The following SNX15 variants were observed in gnomAD, a reference collection of about 807,000 sequenced individuals.
SNX15 encodes sorting nexin 15, also known as sorting nexin-15.
SNX15 carries 29 observed loss-of-function variants against 35.2 expected under a neutral mutation model. The observed-to-expected ratio is 0.82, with a 90% CI of 0.61 to 1.12. The LOEUF is 1.12. Ranked by LOEUF, SNX15 falls within the 50% of genes most tolerant of loss-of-function variation. The pLI is 0.00. For synonymous variants in SNX15, 189 were observed against 188.2 expected (o/e 1.00, Z -0.03); for missense variants, 400 against 451.5 (o/e 0.89, Z 1.03).
intron 3 of SNX15, among the ~76,000 whole-genome samples, chr11:65,034,408 C>T (rs1946475646): frequency 6.6e-6 from 1 of 152,142 alleles, no homozygotes; most frequent in Admixed American, 6.5e-5. Flanking sequence ...GTAACACAGC[C>T]AGTCCTTTTC....
In SNX15 at chr11:65,035,188, G is replaced by A. The variant is rs776582441; in HGVS notation, c.502G>A (p.Glu168Lys). The change falls in exon 5 of 8, where the codon GAG becomes AAG. Residue 168 changes from glutamate (E) to lysine (K), a missense_variant. Coordinates refer to ENST00000377244, the MANE Select transcript of SNX15 (RefSeq NM_013306.5). ...QLLPAERRGL[E>K]ELEVPVDPPP... The stretch of plus-strand genomic sequence containing the variant: ...GCTCCCTGCAGAAAGGAGGGGCCTC[G>A]AGGAATTGGAGGTGCCAGGTACATC... 2.5e-5 allele frequency: 39 copies of A among 1,589,606 alleles called. No homozygotes were observed. The highest frequency in any genetic ancestry group is 4.1e-5 in the African/African-American group (3 of 73,942).
chr11:65,032,847 C>T (rs1243806567), intron 3 of SNX15, among the ~76,000 whole-genome samples: 1 of 151,856 alleles, frequency 6.6e-6, no homozygotes, highest in Non-Finnish European at 1.5e-5. Flanking sequence ...GAAAAAAAAT[C>T]CTGTCTTTAT....
chr11:65,038,420 G>A (rs1590743112), intron 6 of SNX15, 152 bp from the exon 7 acceptor site: 1 of 1,194,412 alleles, frequency 8.4e-7, no homozygotes, highest in East Asian at 2.9e-5. Flanking sequence ...GCTAGTTTTT[G>A]ATCCACAGAC....
At position 65,039,796 on chromosome 11, in the gene SNX15, G is replaced by A. The variant is rs1272541575; in HGVS notation, c.*4G>A. On this transcript the variant is annotated 3_prime_UTR_variant, in exon 8 of 8. Transcript: ENST00000377244. Reference sequence around the variant, plus strand: ...CCTGTCTCAACTCCCACCCTAACAGGGAGTGGGCCATTCCCTGGGACTCTC... The same window carrying A: ...CCTGTCTCAACTCCCACCCTAACAGAGAGTGGGCCATTCCCTGGGACTCTC... 2 of 1,598,906 alleles carry A rather than the reference G, an allele frequency of 1.3e-6. No individual in the cohort carries two copies. Among genetic ancestry groups the A allele is most frequent in the African/African-American group, 1.3e-5 (1 of 74,680 alleles).
chr11:65,030,591 T>G (rs112607935), intron 1 of SNX15, among the ~76,000 whole-genome samples: 2 of 148,684 alleles, frequency 1.3e-5, no homozygotes, highest in African/African-American at 5.0e-5. Flanking sequence ...CTCTGCCTCC[T>G]GGGTTCAAGT....
chr11:65,028,832 G>A (rs1053829227), intron 1 of SNX15, among the ~76,000 whole-genome samples: 3 of 151,504 alleles, frequency 2.0e-5, no homozygotes, highest in Non-Finnish European at 4.4e-5. Context: ...GGTGGCTCAC[G>A]CCTGTAATCC....
At chr11:65,038,221 G>A (rs764267209) in intron 6 of SNX15, 22 of 1,014,362 alleles carry the variant, frequency 2.2e-5, no homozygotes, top group Non-Finnish European at 2.4e-5. Context: ...GCCTGGTGGT[G>A]GTGGCCTAGC....
intron 5 of SNX15, 47 bp downstream of exon 5, chr11:65,035,253 G>T (rs767212229): frequency 4.0e-6 from 6 of 1,491,258 alleles, no homozygotes; most frequent in African/African-American, 1.4e-5. Context: ...GGTGCAGAGT[G>T]GGGAGGGCGG....
chr11:65,034,767 G>A (rs1432006656), intron 3 of SNX15, 80 bp from the exon 4 acceptor site: 2 of 1,043,954 alleles, frequency 1.9e-6, no homozygotes, highest in East Asian at 2.4e-5. Flanking sequence ...TCTCAGGCAG[G>A]ACCAGGAAAA....
intron 7 of SNX15, 104 bp downstream of exon 7, chr11:65,038,933 C>A: frequency 1.1e-6 from 1 of 918,952 alleles, no homozygotes; most frequent in Non-Finnish European, 1.5e-6. Context: ...CCCTTTTACT[C>A]CTCACTGACC....
At position 65,039,815 on chromosome 11, in the gene SNX15, G is replaced by T; in HGVS notation, c.*23G>T. 1 of 1,522,234 alleles carries T rather than the reference G, an allele frequency of 6.6e-7. No individual in the cohort carries two copies. The allele number at this position is 1,522,234 out of a possible 1,614,324, so 94.3% of individuals were successfully genotyped here. A position where few individuals can be genotyped will look rare whatever the true frequency, so the allele number is the denominator to read the frequency against. On this transcript the variant is annotated 3_prime_UTR_variant, in exon 8 of 8. Transcript: ENST00000377244. The stretch of plus-strand genomic sequence containing the variant: ...TAACAGGGAGTGGGCCATTCCCTGG[G>T]ACTCTCGCTCCTGCACTGCCAGCCC...
In SNX15 at chr11:65,035,101, C is replaced by T. The variant is rs1262895956; in HGVS notation, c.415C>T (p.His139Tyr). ...TRPLEVSRDLHILPPPLIPTP... is the reference protein window; with the variant it reads ...TRPLEVSRDLYILPPPLIPTP... ...ACCCTTGGAGGTGTCCAGGGACCTA[C>T]ACATCCTGCCACCCCCTCTGATCCC... The change falls in exon 5 of 8, where the codon CAC (histidine) becomes TAC (tyrosine). Residue 139 changes from histidine to tyrosine, a missense_variant. By Grantham distance (83) the His-to-Tyr change is moderately conservative (BLOSUM62 2). Transcript: ENST00000377244. The T allele has an allele frequency of 6.2e-6, 10 of 1,611,938 alleles. No individual in the cohort carries two copies. The highest frequency in any genetic ancestry group is 4.0e-5 in the African/African-American group (3 of 74,808).
At position 65,039,785 on chromosome 11, in the gene SNX15, C is replaced by T; in HGVS notation, c.1022C>T (p.Pro341Leu). ...EILRLHLSQL[P>L]P is the part of the protein sequence containing the mutation. ...CTGCGCCTGCACCTGTCTCAACTCC[C>T]ACCCTAACAGGGAGTGGGCCATTCC... The change falls in exon 8 of 8, where the codon CCA becomes CTA. Residue 341 changes from proline (P) to leucine (L), a missense_variant. Transcript: ENST00000377244. 6.2e-7 allele frequency: 1 copy of T among 1,608,912 alleles called. No homozygotes were observed. Among genetic ancestry groups the T allele is most frequent in the South Asian group, 1.1e-5 (1 of 90,348 alleles).
At chr11:65,027,705 G>A in intron 1 of SNX15, 69 bp downstream of exon 1, 2 of 1,189,472 alleles carry the variant, frequency 1.7e-6, no homozygotes, top group Admixed American at 1.8e-5. Context: ...CTTAAGGAAA[G>A]GCGGTGCAGC....
intron 2 of SNX15, 71 bp from the exon 3 acceptor site, chr11:65,032,360 G>A: frequency 1.2e-6 from 2 of 1,610,782 alleles, no homozygotes; most frequent in African/African-American, 2.7e-5. Flanking sequence ...CGCCCCCTGG[G>A]GGCAGGCTAG....
intron 1 of SNX15, 116 bp downstream of exon 1, chr11:65,027,752 CCTTTAAGGGGAGGTTG>C: frequency 1.7e-5 from 13 of 761,992 alleles, no homozygotes; most frequent in Non-Finnish European, 2.9e-5. Context: ...ATGGGTTTCC[CCTTTAAGGGGAGGTTG>C]CAGTACGAGG....
chr11:65,034,731 A>C, intron 3 of SNX15, 116 bp from the exon 4 acceptor site: 1 of 706,402 alleles, frequency 1.4e-6, no homozygotes, highest in Non-Finnish European at 2.4e-6. Context: ...GAGAATGGGT[A>C]GGAGGGCAGT....
At chr11:65,027,892 A>G (rs187235702) in intron 1 of SNX15, among the ~76,000 whole-genome samples, 49 of 152,248 alleles carry the variant, frequency 3.2e-4, no homozygotes, top group African/African-American at 1.1e-3. Context: ...CCACGCCCGG[A>G]GTGTAGTGTC....
In SNX15 at chr11:65,034,115, G is replaced by A. The variant is rs537631512; in HGVS notation, c.257-732G>A. ...ACAGTAACTGGACCAGAGTTAGCCT[G>A]CTCTGCAAAATACCTAGGACAGAGC... On this transcript the variant is annotated intron_variant, in intron 3 of 7. Transcript: ENST00000377244. 3.9e-5 allele frequency among the ~76,000 whole-genome samples: 6 copies of A among 152,298 alleles called. No homozygotes were observed. The East Asian group carries it at 1.2e-3, about 29-fold the overall frequency.
Sources: allele counts gnomAD v4.1 joint callset (sites outside exome capture counted in the v4.1 genomes callset), GRCh38; gene constraint gnomAD v4.1.1; transcripts MANE v1.5; gene names NCBI Gene and HGNC (gene_info 2026-07-23, HGNC 2026-07-21).